The following DNAH6 variants were observed in gnomAD, a reference collection of about 807,000 sequenced individuals.
DNAH6 encodes the protein dynein axonemal heavy chain 6.
Under a neutral mutation model 491.4 loss-of-function variants are expected in DNAH6, and 340 were observed. The observed-to-expected ratio is 0.69, with a 90% CI of 0.63 to 0.76. DNAH6 has a LOEUF of 0.76. DNAH6 is among the 30% of genes least tolerant of loss of function. DNAH6 has a pLI of 0.00. For missense variants in DNAH6, 4,443 were observed against 4,972.2 expected (o/e 0.89, Z 3.20); for synonymous variants, 1,603 against 1,686.1 (o/e 0.95, Z 1.21).
At chr2:84,550,286 G>A (rs564563632) in intron 9 of DNAH6, among the ~76,000 whole-genome samples, 3 of 152,150 alleles carry the variant, frequency 2.0e-5, no homozygotes, top group Admixed American at 6.5e-5. Context: ...CAGATCATCA[G>A]GCATTAGTTA....
intron 24 of DNAH6, among the ~76,000 whole-genome samples, chr2:84,620,382 A>C (rs1271252697): frequency 6.6e-6 from 1 of 152,212 alleles, no homozygotes; most frequent in African/African-American, 2.4e-5. Context: ...TGCTGGCAGC[A>C]GCATCTCCAG....
the DNAH6 span, among the ~76,000 whole-genome samples, chr2:84,503,996 A>G: frequency 2.6e-5 from 4 of 151,996 alleles, no homozygotes; most frequent in Admixed American, 2.6e-4. Flanking sequence ...TTTTCTACCC[A>G]TATCTCTTTC....
Position 84,781,637 on chromosome 2 carries a change from A to C in DNAH6, c.10848A>C (p.Lys3616Asn), listed in dbSNP as rs1452165188. Residue 3616 changes from lysine (K) to asparagine (N), a missense_variant, in exon 65 of 77, where the codon AAA becomes AAC. By Grantham distance (94) the Lys-to-Asn change is moderately conservative. Coordinates refer to ENST00000389394, the MANE Select transcript of DNAH6 (RefSeq NM_001370.2). ...SWMLAMEELI[K>N]TFTDPDSAIK... is the part of the protein sequence containing the mutation. ...TGTTGGCAATGGAAGAGCTCATTAA[A>C]ACCTTCACAGATCCAGGTATGTTGA... 4 of 1,551,742 alleles carry C rather than the reference A, an allele frequency of 2.6e-6. No homozygotes were observed. In the Admixed American group the frequency reaches 7.8e-5, roughly 30 times the overall value.
At chr2:84,774,441 G>A (rs1335328179) in intron 64 of DNAH6, among the ~76,000 whole-genome samples, 1 of 152,046 alleles carries the variant, frequency 6.6e-6, no homozygotes, top group Non-Finnish European at 1.5e-5. Context: ...TTTTGTACCA[G>A]TACCATGCTG....
intron 72 of DNAH6, among the ~76,000 whole-genome samples, chr2:84,810,915 C>T (rs1423510941): frequency 5.9e-5 from 9 of 152,188 alleles, no homozygotes; most frequent in Admixed American, 5.9e-4. Flanking sequence ...TTTAAGCAGA[C>T]CTTGAAGATC....
At chr2:84,681,584 C>A in intron 42 of DNAH6, 56 bp downstream of exon 42, 1 of 1,399,878 alleles carries the variant, frequency 7.1e-7, no homozygotes, top group Non-Finnish European at 9.4e-7. Context: ...TTCCATTGGC[C>A]CCCAAATATC....
At position 84,744,718 on chromosome 2, in the gene DNAH6, A is replaced by G. The variant is rs1482579845; in HGVS notation, c.10343-362A>G. 2.0e-5 allele frequency among the ~76,000 whole-genome samples: 3 copies of G among 152,132 alleles called. No individual in the cohort carries two copies. In the South Asian group the frequency reaches 6.2e-4, roughly 31 times the overall value. On this transcript the variant is annotated intron_variant, in intron 62 of 76. Coordinates refer to ENST00000389394, the MANE Select transcript of DNAH6 (RefSeq NM_001370.2). ...GATTTGTTATTTTTATTAATATAAG[A>G]ACCTACTTTGTCCCATTTAATTATG... is the stretch of plus-strand genomic sequence containing the variant.
chr2:84,509,581 G>A, the DNAH6 span, among the ~76,000 whole-genome samples: 1 of 152,132 alleles, frequency 6.6e-6, no homozygotes, highest in East Asian at 1.9e-4. Flanking sequence ...TACATTTAAG[G>A]TTAATATTGT....
chr2:84,591,579 G>A (rs1684118507), intron 16 of DNAH6, among the ~76,000 whole-genome samples: 1 of 152,100 alleles, frequency 6.6e-6, no homozygotes, highest in Non-Finnish European at 1.5e-5. Flanking sequence ...ATTTCCCAAT[G>A]ACATTTTCTA....
intron 9 of DNAH6, among the ~76,000 whole-genome samples, chr2:84,552,066 A>G (rs1281718427): frequency 1.3e-5 from 2 of 151,940 alleles, no homozygotes; most frequent in African/African-American, 2.4e-5. Flanking sequence ...AAAAAAAAAA[A>G]AGAATGCTCA....
the DNAH6 span, among the ~76,000 whole-genome samples, chr2:84,490,139 G>C: frequency 6.6e-6 from 1 of 152,074 alleles, no homozygotes; most frequent in African/African-American, 2.4e-5. Flanking sequence ...AGAAATGTTT[G>C]TATCTACCAC....
At chr2:84,716,596 T>C (rs892405340) in intron 58 of DNAH6, among the ~76,000 whole-genome samples, 1 of 152,194 alleles carries the variant, frequency 6.6e-6, no homozygotes, top group Non-Finnish European at 1.5e-5. Context: ...TAGGTTAACT[T>C]CTTTCCAATT....
At chr2:84,653,251 A>T (rs1690626819) in intron 33 of DNAH6, 68 bp from the exon 34 acceptor site, 1 of 1,254,774 alleles carries the variant, frequency 8.0e-7, no homozygotes, top group Non-Finnish European at 1.1e-6. Context: ...TATTTCATTG[A>T]TTGTAACAAA....
At chr2:84,729,689 C>A (rs1025693984) in intron 61 of DNAH6, among the ~76,000 whole-genome samples, 13 of 152,164 alleles carry the variant, frequency 8.5e-5, no homozygotes, top group African/African-American at 3.1e-4. Flanking sequence ...TTACCATCAT[C>A]AGAAACCTCT....
intron 72 of DNAH6, among the ~76,000 whole-genome samples, chr2:84,808,836 A>G (rs987358339): frequency 6.6e-6 from 1 of 152,228 alleles, no homozygotes; most frequent in African/African-American, 2.4e-5. Context: ...TAAGCACTCA[A>G]TTAAGAGTAA....
At chr2:84,793,016 G>C (rs1034748100) in intron 68 of DNAH6, among the ~76,000 whole-genome samples, 1 of 152,150 alleles carries the variant, frequency 6.6e-6, no homozygotes, top group African/African-American at 2.4e-5. Context: ...AGTTGGCAAA[G>C]ACAAAGTCAG....
chr2:84,751,167 C>A (rs1673434497), intron 63 of DNAH6: 1 of 152,224 alleles, frequency 6.6e-6, no homozygotes, highest in Admixed American at 6.5e-5. Flanking sequence ...GAAATTGGGG[C>A]TCAAGAGTGA....
At position 84,547,360 on chromosome 2, in the gene DNAH6, C is replaced by T; in HGVS notation, c.1023C>T (p.Thr341=). The change falls in exon 6 of 77, where the codon ACC becomes ACT. Residue 341 remains threonine, a synonymous_variant. Coordinates refer to ENST00000389394, the MANE Select transcript of DNAH6 (RefSeq NM_001370.2). ...LCYIEKCHTY[T]LQEFKAAQVI... ...ATATTGAAAAGTGTCACACCTACAC[C>T]CTGCAGGAATTTAAGGCCGCACAAG... is the stretch of plus-strand genomic sequence containing the variant. The T allele has an allele frequency of 1.3e-6, 2 of 1,551,578 alleles. No individual in the cohort carries two copies. The highest frequency in any genetic ancestry group is 1.7e-6 in the Non-Finnish European group (2 of 1,146,902).
In DNAH6 at chr2:84,544,340, G is replaced by A. The variant is rs1194596075; in HGVS notation, c.770G>A (p.Trp257Ter). 14 of 1,544,246 alleles carry A rather than the reference G, an allele frequency of 9.1e-6. No individual in the cohort carries two copies. Among genetic ancestry groups the A allele is most frequent in the Non-Finnish European group, 1.2e-5 (14 of 1,140,618 alleles). Residue 257 changes from tryptophan to a stop codon, truncating the protein, a stop_gained, in exon 5 of 77, where the codon TGG (tryptophan) becomes TAG (stop). Transcript: ENST00000389394. LOFTEE classifies it high-confidence loss of function. ...EDIEFIEIDRWEQEYLYHREL... is the reference protein window; with the variant it reads ...EDIEFIEIDR ...ATTGAATTTATCGAAATTGATCGATGGGAACAGGAATATCTGTATCACAGA... is the reference window on the plus strand; with the variant it reads ...ATTGAATTTATCGAAATTGATCGATAGGAACAGGAATATCTGTATCACAGA...
Sources: allele counts gnomAD v4.1 joint callset (sites outside exome capture counted in the v4.1 genomes callset), GRCh38; gene constraint gnomAD v4.1.1; transcripts MANE v1.5; gene names NCBI Gene and HGNC (gene_info 2026-07-23, HGNC 2026-07-21).